CNTN4: variants seen among roughly 807,000 people sequenced by gnomAD.
CNTN4 encodes contactin 4.
Under a neutral mutation model 122.5 loss-of-function variants are expected in CNTN4, and 77 were observed. That is an observed-to-expected ratio of 0.63 (90% CI 0.52 to 0.76). The LOEUF is 0.76. CNTN4 is among the 30% of genes least tolerant of loss of function. The pLI is 0.00. For missense variants in CNTN4, 1,256 were observed against 1,259.1 expected (o/e 1.00, Z 0.04); for synonymous variants, 512 against 447.0 (o/e 1.15, Z -1.83).
intron 2 of CNTN4, among the ~76,000 whole-genome samples, chr3:2,236,688 C>T (rs2149579145): frequency 6.6e-6 from 1 of 152,280 alleles, no homozygotes. Context: ...AAAAGCATGT[C>T]CTCAAACTAT....
intron 13 of CNTN4, among the ~76,000 whole-genome samples, chr3:2,944,772 G>A (rs1242801788): frequency 6.6e-6 from 1 of 152,196 alleles, no homozygotes; most frequent in African/African-American, 2.4e-5. Context: ...AACAAACTCA[G>A]ATGACAGGTT....
At chr3:3,004,255 C>T (rs1240639138) in intron 14 of CNTN4, among the ~76,000 whole-genome samples, 1 of 152,014 alleles carries the variant, frequency 6.6e-6, no homozygotes, top group Non-Finnish European at 1.5e-5. Context: ...TTGACATATT[C>T]TTAGGGGTCA....
At chr3:2,900,549 C>A (rs1325706684) in intron 10 of CNTN4, 136 bp from the exon 11 acceptor site, 1 of 955,522 alleles carries the variant, frequency 1.0e-6, no homozygotes, top group East Asian at 2.5e-5. Flanking sequence ...GAATGTCTCC[C>A]CAGTCTTGTT....
chr3:2,223,271 G>T (rs76026688), intron 2 of CNTN4, among the ~76,000 whole-genome samples: 1 of 152,150 alleles, frequency 6.6e-6, no homozygotes, highest in African/African-American at 2.4e-5. Flanking sequence ...GGTGTCCGTG[G>T]TGGTAACCAG....
intron 12 of CNTN4, among the ~76,000 whole-genome samples, chr3:2,917,080 A>G (rs2094370919): frequency 7.8e-6 from 1 of 127,492 alleles, no homozygotes; most frequent in Non-Finnish European, 1.7e-5. Flanking sequence ...CTGGCGGATC[A>G]CTCGCGGTTA....
intron 5 of CNTN4, among the ~76,000 whole-genome samples, chr3:2,737,729 T>C (rs1576618731): frequency 6.6e-6 from 1 of 151,938 alleles, no homozygotes; most frequent in Non-Finnish European, 1.5e-5. Flanking sequence ...AGAACAGAGG[T>C]CACAAGACAA....
At chr3:2,263,147 A>C (rs552660990) in intron 2 of CNTN4, among the ~76,000 whole-genome samples, 17 of 152,296 alleles carry the variant, frequency 1.1e-4, no homozygotes, top group African/African-American at 3.8e-4. Flanking sequence ...TCCTCTAAGA[A>C]GAGAAAAATT....
chr3:2,725,632 A>G (rs573457942), intron 4 of CNTN4, among the ~76,000 whole-genome samples: 15 of 152,278 alleles, frequency 9.9e-5, no homozygotes, highest in Middle Eastern at 3.4e-3. Flanking sequence ...GGAGTTTTCC[A>G]TATGCATCCA....
At chr3:2,199,285 G>C (rs1368719983) in intron 2 of CNTN4, among the ~76,000 whole-genome samples, 1 of 152,016 alleles carries the variant, frequency 6.6e-6, no homozygotes, top group Non-Finnish European at 1.5e-5. Context: ...GTTGTATTAT[G>C]TTCCTACCAC....
chr3:2,137,092 CT>C (rs2034730265), intron 2 of CNTN4, among the ~76,000 whole-genome samples: 1 of 128,858 alleles, frequency 7.8e-6, no homozygotes, highest in South Asian at 2.5e-4. Flanking sequence ...GTAGATCACA[CT>C]TTAGTTCAGA....
rs1434030883 is a variant in CNTN4, at chr3:2,946,700, TTTTC to T, written c.1358+20925_1358+20928del. ...TCTGCAACAGACAGCTTGCTTTTTT[TTTTC>T]TTTTTTTTTTTTTTTTTGAGACAGA... On this transcript the variant is annotated intron_variant, in intron 13 of 24. Transcript: ENST00000418658. 2.3e-3 allele frequency among the ~76,000 whole-genome samples: 233 copies of T among 101,042 alleles called. 1 individual carries two copies. Among genetic ancestry groups the T allele is most frequent in the South Asian group, 0.014 (40 of 2,760 alleles). 66.3% of individuals were successfully genotyped at this position (101,042 alleles called of 152,430 possible). A position where few individuals can be genotyped will look rare whatever the true frequency, so the allele number is the denominator to read the frequency against.
intron 2 of CNTN4, among the ~76,000 whole-genome samples, chr3:2,102,610 G>A (rs1316458501): frequency 6.6e-6 from 1 of 152,168 alleles, no homozygotes. Flanking sequence ...CTGTGCCCTT[G>A]CCGTCTTCAG....
intron 3 of CNTN4, among the ~76,000 whole-genome samples, chr3:2,534,318 A>T (rs1051600042): frequency 2.0e-5 from 3 of 152,136 alleles, no homozygotes; most frequent in African/African-American, 7.2e-5. Context: ...TCAGCTTTCT[A>T]CATATGGCTA....
chr3:2,728,072 T>A (rs938638840), intron 4 of CNTN4, among the ~76,000 whole-genome samples: 2 of 152,212 alleles, frequency 1.3e-5, no homozygotes, highest in African/African-American at 4.8e-5. Flanking sequence ...TGAACATGCC[T>A]TGCTGTCTGT....
At chr3:2,572,695 G>A (rs1397029868) in intron 4 of CNTN4, among the ~76,000 whole-genome samples, 6 of 152,170 alleles carry the variant, frequency 3.9e-5, no homozygotes, top group African/African-American at 1.4e-4. Context: ...TTTGATGTAT[G>A]CATTCACTCA....
intron 6 of CNTN4, among the ~76,000 whole-genome samples, chr3:2,791,430 G>A (rs1213168655): frequency 1.3e-5 from 2 of 151,854 alleles, no homozygotes; most frequent in Non-Finnish European, 1.5e-5. Context: ...CTACTCAGGA[G>A]GCTGAAGGGG....
rs376687982 is a variant in CNTN4 at position 3,040,175 on chromosome 3, C to T, written c.2302C>T (p.His768Tyr). The T allele has an allele frequency of 8.7e-6, 14 of 1,614,034 alleles. No individual in the cohort carries two copies. The African/African-American group carries it at 1.5e-4, about 17-fold the overall frequency. ...SRYVFRNESV[H>Y]PFSPFEVKVG... ...ATACGTGTTCAGGAATGAGAGCGTG[C>T]ACCCCTTCTCTCCCTTTGAGGTTAA... Residue 768 changes from histidine to tyrosine, a missense_variant, in exon 20 of 25, where the codon CAC becomes TAC. Coordinates refer to ENST00000418658, the MANE Select transcript of CNTN4 (RefSeq NM_175607.3).
chr3:2,579,154 G>C (rs2079825466), intron 4 of CNTN4, among the ~76,000 whole-genome samples: 1 of 152,220 alleles, frequency 6.6e-6, no homozygotes, highest in African/African-American at 2.4e-5. Flanking sequence ...GCTCAGCCAT[G>C]CTGGATGTCT....
At chr3:2,537,562 A>G (rs1386444953) in intron 3 of CNTN4, among the ~76,000 whole-genome samples, 5 of 152,090 alleles carry the variant, frequency 3.3e-5, no homozygotes, top group Admixed American at 6.6e-5. Context: ...CACTGTTCAC[A>G]TTATTTGTCA....
Sources: allele counts gnomAD v4.1 joint callset (sites outside exome capture counted in the v4.1 genomes callset), GRCh38; gene constraint gnomAD v4.1.1; transcripts MANE v1.5; gene names NCBI Gene and HGNC (gene_info 2026-07-23, HGNC 2026-07-21).